Variants in CACNA2D3 observed in about 807,000 individuals in gnomAD.
CACNA2D3 encodes the protein voltage-dependent calcium channel subunit alpha-2/delta-3.
In CACNA2D3, 60 loss-of-function variants were observed where a neutral mutation model predicts 160.6. The ratio of observed to expected loss-of-function variants is 0.37; its 90% CI spans 0.30 to 0.46. CACNA2D3 has a LOEUF of 0.46. Among genes scored for constraint, CACNA2D3 ranks in the 20% least tolerant of loss-of-function variants. CACNA2D3 has a pLI of 1.00. For synonymous variants in CACNA2D3, 558 were observed against 492.9 expected (o/e 1.13, Z -1.75); for missense variants, 1,205 against 1,365.0 (o/e 0.88, Z 1.85).
chr3:54,903,630 A>C (rs1700389344), intron 27 of CACNA2D3, among the ~76,000 whole-genome samples: 1 of 152,168 alleles, frequency 6.6e-6, no homozygotes, highest in Non-Finnish European at 1.5e-5. Flanking sequence ...AAGGAATCGC[A>C]ACACTGTTTT....
chr3:54,401,676 A>T (rs371708237), intron 4 of CACNA2D3, among the ~76,000 whole-genome samples: 19 of 152,314 alleles, frequency 1.2e-4, no homozygotes, highest in African/African-American at 4.6e-4. Context: ...AATAAAGGAG[A>T]AACAAAAGTC....
intron 5 of CACNA2D3, among the ~76,000 whole-genome samples, chr3:54,558,299 C>CA (rs1245772319): frequency 6.6e-6 from 1 of 152,146 alleles, no homozygotes; most frequent in Non-Finnish European, 1.5e-5. Flanking sequence ...GGTGAGGGTA[C>CA]AGGGCTCTAG....
intron 27 of CACNA2D3, among the ~76,000 whole-genome samples, chr3:54,928,552 C>A (rs1219122632): frequency 6.6e-6 from 1 of 152,128 alleles, no homozygotes; most frequent in Non-Finnish European, 1.5e-5. Context: ...TCTTATTCAG[C>A]CAACATCTGT....
chr3:54,871,345 T>C (rs1169672438), intron 17 of CACNA2D3, among the ~76,000 whole-genome samples, 194 bp from the exon 18 acceptor site: 3 of 152,210 alleles, frequency 2.0e-5, no homozygotes, highest in East Asian at 3.9e-4. Flanking sequence ...TTGGAGCCAA[T>C]GTTTAGAGGC....
At chr3:54,452,601 A>G (rs1700327802) in intron 4 of CACNA2D3, among the ~76,000 whole-genome samples, 1 of 152,142 alleles carries the variant, frequency 6.6e-6, no homozygotes, top group Non-Finnish European at 1.5e-5. Context: ...TACCCAATCC[A>G]AAGCCACTGC....
chr3:55,002,070 C>T (rs568776510), intron 31 of CACNA2D3, among the ~76,000 whole-genome samples: 115 of 151,522 alleles, frequency 7.6e-4, no homozygotes, highest in Middle Eastern at 3.4e-3. Context: ...GTGGGAGAAT[C>T]GCTTGAACCT....
At chr3:54,912,948 A>G (rs1232624369) in intron 27 of CACNA2D3, among the ~76,000 whole-genome samples, 2 of 152,120 alleles carry the variant, frequency 1.3e-5, no homozygotes, top group African/African-American at 2.4e-5. Flanking sequence ...ACAGGACAGC[A>G]TGATTCCTCT....
At chr3:54,980,964 T>G (rs1425706439) in intron 29 of CACNA2D3, among the ~76,000 whole-genome samples, 4 of 152,228 alleles carry the variant, frequency 2.6e-5, no homozygotes, top group Non-Finnish European at 5.9e-5. Context: ...AATATTTGAT[T>G]TAAGCACCTA....
At chr3:54,468,997 A>G (rs1267784655) in intron 4 of CACNA2D3, among the ~76,000 whole-genome samples, 3 of 152,226 alleles carry the variant, frequency 2.0e-5, no homozygotes, top group Non-Finnish European at 4.4e-5. Flanking sequence ...CTGTGGGTAC[A>G]GCTTCAGCAG....
chr3:54,402,763 C>T (rs1423795246), intron 4 of CACNA2D3, among the ~76,000 whole-genome samples: 6 of 152,120 alleles, frequency 3.9e-5, no homozygotes, highest in South Asian at 4.1e-4. Flanking sequence ...TTGAACTGCA[C>T]TTCAGAAAAA....
chr3:54,730,991 G>A (rs1701372987), intron 11 of CACNA2D3, among the ~76,000 whole-genome samples: 1 of 152,096 alleles, frequency 6.6e-6, no homozygotes, highest in Non-Finnish European at 1.5e-5. Context: ...GAGAAAGATG[G>A]GGAACTGTGC....
At chr3:54,329,143 TA>T (rs774321063) in intron 3 of CACNA2D3, among the ~76,000 whole-genome samples, 13 of 152,378 alleles carry the variant, frequency 8.5e-5, no homozygotes, top group Non-Finnish European at 1.5e-4. Flanking sequence ...ACCATCTTTT[TA>T]CATGTGTATT....
chr3:54,432,580 G>A (rs1437547062), intron 4 of CACNA2D3, among the ~76,000 whole-genome samples: 3 of 152,046 alleles, frequency 2.0e-5, no homozygotes, highest in Admixed American at 6.5e-5. Context: ...CAGTGCCAGC[G>A]GACCCAGTTG....
chr3:54,326,300 A>G (rs62256090), intron 3 of CACNA2D3, among the ~76,000 whole-genome samples: 14,389 of 152,274 alleles, frequency 0.094, 868 homozygotes, highest in East Asian at 0.18. Context: ...CCAAAAAGCT[A>G]GAGGGTACTA....
At chr3:54,550,372 C>T (rs1427553818) in intron 5 of CACNA2D3, among the ~76,000 whole-genome samples, 3 of 152,180 alleles carry the variant, frequency 2.0e-5, no homozygotes, top group South Asian at 2.1e-4. Context: ...GGGCCTTCCC[C>T]GGAGCTGTGA....
chr3:54,703,243 G>GA (rs143133989), intron 11 of CACNA2D3, among the ~76,000 whole-genome samples: 14 of 149,578 alleles, frequency 9.4e-5, no homozygotes, highest in Non-Finnish European at 2.1e-4. Context: ...AAAGTTGGAA[G>GA]AAAAAAAAAG....
At chr3:54,218,049 TAGAGAG>T (rs1011376726) in intron 2 of CACNA2D3, among the ~76,000 whole-genome samples, 2 of 151,400 alleles carry the variant, frequency 1.3e-5, no homozygotes, top group Non-Finnish European at 2.9e-5. Context: ...AAAGGTGTGT[TAGAGAG>T]AGAGGTGCAT....
chr3:54,711,172 T>C (rs1559555645), intron 11 of CACNA2D3, among the ~76,000 whole-genome samples: 3 of 152,182 alleles, frequency 2.0e-5, no homozygotes, highest in Non-Finnish European at 2.9e-5. Flanking sequence ...TGAGCCAGCT[T>C]TCTCTCGCAT....
chr3:54,526,989 C>T (rs1701733314), intron 5 of CACNA2D3, among the ~76,000 whole-genome samples: 1 of 152,230 alleles, frequency 6.6e-6, no homozygotes, highest in Non-Finnish European at 1.5e-5. Flanking sequence ...CCACGTGGGG[C>T]CAGGCACCCC....
Sources: allele counts gnomAD v4.1 joint callset (sites outside exome capture counted in the v4.1 genomes callset), GRCh38; gene constraint gnomAD v4.1.1; transcripts MANE v1.5; gene names NCBI Gene and HGNC (gene_info 2026-07-23, HGNC 2026-07-21).